Variants in AHCYL2 observed in about 807,000 individuals in gnomAD.
AHCYL2 encodes the protein S-adenosylhomocysteine hydrolase-like protein 2.
AHCYL2 carries 28 observed loss-of-function variants against 81.4 expected under a neutral mutation model. The ratio of observed to expected loss-of-function variants is 0.34; its 90% confidence interval spans 0.25 to 0.47. The LOEUF (loss-of-function observed/expected upper bound fraction) is 0.47, where lower values mean the gene tolerates loss of function less well. AHCYL2 is among the 20% of genes least tolerant of loss of function. The pLI, the probability that AHCYL2 is intolerant of heterozygous loss-of-function variation, is 1.00. For missense variants in AHCYL2, 551 were observed against 785.1 expected (o/e 0.70, Z 3.56); for synonymous variants, 272 against 290.2 (o/e 0.94, Z 0.64).
intron 1 of AHCYL2, among the ~76,000 whole-genome samples, chr7:129,293,108 C>T (rs931340771): frequency 1.3e-5 from 2 of 151,452 alleles, no homozygotes; most frequent in African/African-American, 4.9e-5. Flanking sequence ...TGCCACTGTG[C>T]CTGGCTTTCT....
chr7:129,389,814 C>T lies in AHCYL2; in HGVS notation c.720+80C>T, dbSNP rs1795380693. ...TACTGAAAGCTTACAACATGCCAAG[C>T]ACCGAGTTAAGAGCTTAACAAGTAT... On this transcript the variant is annotated intron_variant, in intron 4 of 16. Transcript: ENST00000325006. 3.4e-6 allele frequency: 4 copies of T among 1,189,408 alleles called. No homozygotes were observed. The East Asian group carries it at 1.0e-4, about 30-fold the overall frequency. 73.7% of individuals were successfully genotyped at this position (1,189,408 alleles called of 1,614,324 possible).
rs1797466225 is a variant in AHCYL2, at chr7:129,428,860, T to A, written c.*1815T>A. 6.6e-6 allele frequency: 1 copy of A among 152,230 alleles called. No individual in the cohort carries two copies. Among genetic ancestry groups the A allele is most frequent in the South Asian group, 2.1e-4 (1 of 4,828 alleles). The allele number at this position is 152,230 out of a possible 1,614,324, so 9.4% of individuals were successfully genotyped here. ...GCAAGTACTGGTTATATTCTTTTTT[T>A]GTAAGGAAGATCATAAATGCTAAAA... On this transcript the variant is annotated 3_prime_UTR_variant, in exon 17 of 17. Coordinates refer to ENST00000325006, the MANE Select transcript of AHCYL2 (RefSeq NM_015328.4).
rs189673960 is a variant in AHCYL2 at position 129,293,011 on chromosome 7, C to G, written c.363+67572C>G. 1.9e-3 allele frequency among the ~76,000 whole-genome samples: 286 copies of G among 152,214 alleles called. 1 individual carries two copies. Among genetic ancestry groups the G allele is most frequent in the African/African-American group, 6.5e-3 (272 of 41,530 alleles). The stretch of plus-strand genomic sequence containing the variant: ...TATTTATTTATTAGAGATGGGGTCT[C>G]ACTGTGTTGCCCAGGCTGGTCTCAA... On this transcript the variant is annotated intron_variant, in intron 1 of 16. Transcript: ENST00000325006.
intron 1 of AHCYL2, among the ~76,000 whole-genome samples, chr7:129,259,693 T>C (rs932044999): frequency 2.0e-5 from 3 of 152,182 alleles, no homozygotes; most frequent in Admixed American, 6.5e-5. Context: ...TTTCTCTTTG[T>C]AAAGGAAGAG....
intron 1 of AHCYL2, among the ~76,000 whole-genome samples, chr7:129,228,852 G>A (rs1011639050): frequency 6.6e-6 from 1 of 152,218 alleles, no homozygotes; most frequent in Non-Finnish European, 1.5e-5. Flanking sequence ...AGGAGAGAAT[G>A]AGTTGAGCCA....
In AHCYL2 at chr7:129,419,469, G is replaced by T. The variant is rs112144567; in HGVS notation, c.1462-3371G>T. Among the ~76,000 whole-genome samples the T allele has an allele frequency of 5.8e-3, 890 of 152,232 alleles. 11 individuals carry two copies. Among genetic ancestry groups the T allele is most frequent in the African/African-American group, 0.021 (857 of 41,538 alleles). ...CTCAGGAGGCTGAGGCAGGAGAATC[G>T]CCTGAACCCGGGAGGCGGAGGTTGC... is the stretch of plus-strand genomic sequence containing the variant. On this transcript the variant is annotated intron_variant, in intron 12 of 16. Transcript: ENST00000325006. The surrounding 1 kb of genome is among the most constrained non-coding windows in gnomAD (Gnocchi z 4.7).
intron 1 of AHCYL2, among the ~76,000 whole-genome samples, chr7:129,320,764 C>G (rs1797986320): frequency 1.3e-5 from 2 of 152,150 alleles, no homozygotes; most frequent in South Asian, 4.1e-4. Flanking sequence ...AATAAATTCC[C>G]CTACCCATTA....
intron 11 of AHCYL2, among the ~76,000 whole-genome samples, chr7:129,412,755 T>C (rs1796649525): frequency 6.6e-6 from 1 of 152,214 alleles, no homozygotes; most frequent in Non-Finnish European, 1.5e-5. Flanking sequence ...CCATTTTCCC[T>C]GATGACTAAT....
Position 129,427,128 on chromosome 7 carries a change from G to A in AHCYL2, c.*83G>A, listed in dbSNP as rs1797399679. On this transcript the variant is annotated 3_prime_UTR_variant, in exon 17 of 17. Transcript: ENST00000325006. The surrounding 1 kb of genome is among the most constrained non-coding windows in gnomAD (Gnocchi z 5.5). The stretch of plus-strand genomic sequence containing the variant: ...TACTATACAAGAAAGAATTCAGCAA[G>A]CTGCTTCTCCAATCAAAGCTGCCTG... 1 of 1,420,756 alleles carries A rather than the reference G, an allele frequency of 7.0e-7. No homozygotes were observed. The highest frequency in any genetic ancestry group is 1.4e-5 in the African/African-American group (1 of 70,100). The allele number at this position is 1,420,756 out of a possible 1,614,324, so 88.0% of individuals were successfully genotyped here. A position where few individuals can be genotyped will look rare whatever the true frequency, so the allele number is the denominator to read the frequency against.
chr7:129,290,754 C>A (rs1796819248), intron 1 of AHCYL2, among the ~76,000 whole-genome samples: 1 of 151,670 alleles, frequency 6.6e-6, no homozygotes, highest in Non-Finnish European at 1.5e-5. Flanking sequence ...GATGGTGAAA[C>A]CCCATCTCTA....
At chr7:129,377,765 C>A (rs541484182) in intron 1 of AHCYL2, 1 of 369,338 alleles carries the variant, frequency 2.7e-6, no homozygotes, top group Non-Finnish European at 5.3e-6. Context: ...TTTCCCCAAA[C>A]AAGTATAGCT....
At chr7:129,279,688 G>A (rs983741132) in intron 1 of AHCYL2, among the ~76,000 whole-genome samples, 1 of 152,182 alleles carries the variant, frequency 6.6e-6, no homozygotes, top group African/African-American at 2.4e-5. Context: ...GTTATTTCTT[G>A]ATCATATATG....
chr7:129,282,849 TAGAG>T (rs746585206), intron 1 of AHCYL2, among the ~76,000 whole-genome samples: 8 of 152,006 alleles, frequency 5.3e-5, no homozygotes, highest in Non-Finnish European at 7.4e-5. Context: ...TTCAAAAACA[TAGAG>T]AGAAGAGGGG....
At chr7:129,410,460 G>T in intron 11 of AHCYL2, 1 of 1,250,126 alleles carries the variant, frequency 8.0e-7, no homozygotes, top group Non-Finnish European at 1.2e-6. Flanking sequence ...AAATGTGTAC[G>T]TCATTCATTA....
At chr7:129,422,158 T>C (rs1797147029) in intron 12 of AHCYL2, among the ~76,000 whole-genome samples, 1 of 152,204 alleles carries the variant, frequency 6.6e-6, no homozygotes, top group Admixed American at 6.5e-5. Flanking sequence ...GAATATACAA[T>C]ATACAGAAAT....
Position 129,424,898 on chromosome 7 carries a change from T to G in AHCYL2, c.1585T>G (p.Ser529Ala). ...AEGRLLNLSC[S>A]TVPTFVLSIT... ...GGGCCGCCTGCTGAACCTTAGCTGC[T>G]CCACAGTGCCTACATTTGTGCTCTC... is the stretch of plus-strand genomic sequence containing the variant. Residue 529 changes from serine (S) to alanine (A), a missense_variant, in exon 14 of 17, where the codon TCC becomes GCC. Around this residue, in one of 2 missense-constraint regions of AHCYL2, gnomAD observed 316 missense variants for 543.1 expected, o/e 0.58. Transcript: ENST00000325006. 6.2e-7 allele frequency: 1 copy of G among 1,613,366 alleles called. No individual in the cohort carries two copies.
At chr7:129,231,312 T>TTACTAC (rs961258745) in intron 1 of AHCYL2, among the ~76,000 whole-genome samples, 4 of 151,822 alleles carry the variant, frequency 2.6e-5, no homozygotes, top group African/African-American at 7.3e-5. Flanking sequence ...AGGAAGACAA[T>TTACTAC]TACTACTACT....
At chr7:129,301,601 C>A (rs905854519) in intron 1 of AHCYL2, among the ~76,000 whole-genome samples, 1 of 152,108 alleles carries the variant, frequency 6.6e-6, no homozygotes, top group African/African-American at 2.4e-5. Context: ...TTCCCAGCAC[C>A]GTTTATTGAA....
chr7:129,298,495 T>TTTTTG (rs1230547620), intron 1 of AHCYL2, among the ~76,000 whole-genome samples: 16 of 152,196 alleles, frequency 1.1e-4, no homozygotes, highest in Non-Finnish European at 1.5e-4. Flanking sequence ...GACACCTGGT[T>TTTTTG]TTTTGTTTTG....
Sources: allele counts gnomAD v4.1 joint callset (sites outside exome capture counted in the v4.1 genomes callset), GRCh38; gene constraint gnomAD v4.1.1; regional missense constraint gnomAD v4.1.1; non-coding constraint Gnocchi (gnomAD v3.1); transcripts MANE v1.5; gene names NCBI Gene and HGNC (gene_info 2026-07-23, HGNC 2026-07-21).